The following GRIK2 variants were observed in gnomAD, a reference collection of about 807,000 sequenced individuals.
GRIK2 encodes the protein glutamate receptor ionotropic, kainate 2.
A neutral mutation model predicts 100.3 loss-of-function variants in GRIK2; 32 were observed. That is an observed-to-expected ratio of 0.32 (90% CI 0.24 to 0.43). GRIK2 has a LOEUF of 0.43. Ranked by LOEUF, GRIK2 falls within the 20% of genes least tolerant of loss-of-function variation. The pLI is 1.00. For missense variants in GRIK2, 843 were observed against 1,114.9 expected, an observed-to-expected ratio of 0.76 and a Z score of 3.47; for synonymous variants, 417 against 389.4, an observed-to-expected ratio of 1.07 and a Z score of -0.83.
intron 9 of GRIK2, among the ~76,000 whole-genome samples, chr6:101,814,973 A>G (rs962192202): frequency 6.6e-6 from 1 of 152,194 alleles, no homozygotes; most frequent in Non-Finnish European, 1.5e-5. Flanking sequence ...ATACTTTTTC[A>G]TTTAATCTTC....
chr6:101,945,607 G>C (rs1791223945), intron 14 of GRIK2, among the ~76,000 whole-genome samples: 1 of 152,096 alleles, frequency 6.6e-6, no homozygotes, highest in South Asian at 2.1e-4. Flanking sequence ...AATTTAATCA[G>C]TAAGCCATTT....
At chr6:101,507,421 G>A (rs1214160830) in intron 2 of GRIK2, among the ~76,000 whole-genome samples, 2 of 151,728 alleles carry the variant, frequency 1.3e-5, no homozygotes, top group Non-Finnish European at 2.9e-5. Flanking sequence ...TCCTACTATC[G>A]ATTTTTCTCA....
Position 101,751,126 on chromosome 6 carries a change from T to C in GRIK2, c.952-48522T>C, listed in dbSNP as rs141982736. Among the ~76,000 whole-genome samples the C allele has an allele frequency of 2.6e-5, 4 of 152,204 alleles. No individual in the cohort carries two copies. The East Asian group carries it at 7.7e-4, about 29-fold the overall frequency. On this transcript the variant is annotated intron_variant, in intron 7 of 16. Coordinates refer to ENST00000369134, the MANE Select transcript of GRIK2 (RefSeq NM_021956.5). Reference sequence around the variant, plus strand: ...ATTTCTTCTAAATTTTTTGTAGAGATGGGGGTCCCACTATGTTATCCAGGC... The same window carrying C: ...ATTTCTTCTAAATTTTTTGTAGAGACGGGGGTCCCACTATGTTATCCAGGC...
chr6:101,787,182 T>G (rs1216199850), intron 7 of GRIK2, among the ~76,000 whole-genome samples: 1 of 151,962 alleles, frequency 6.6e-6, no homozygotes, highest in African/African-American at 2.4e-5. Flanking sequence ...TTTTACCTTC[T>G]GATTTTGTTT....
intron 2 of GRIK2, among the ~76,000 whole-genome samples, chr6:101,400,365 C>G (rs1257452422): frequency 6.6e-6 from 1 of 152,172 alleles, no homozygotes; most frequent in African/African-American, 2.4e-5. Context: ...GTGGGCGATG[C>G]TCAGGTTCTC....
intron 14 of GRIK2, among the ~76,000 whole-genome samples, chr6:102,014,811 CAG>C (rs1389218945): frequency 2.0e-5 from 3 of 151,922 alleles, no homozygotes; most frequent in African/African-American, 7.3e-5. Flanking sequence ...GTTGGTATGA[CAG>C]GGGGTTCTTT....
intron 2 of GRIK2, among the ~76,000 whole-genome samples, chr6:101,567,351 T>G (rs1471940040): frequency 6.6e-6 from 1 of 151,950 alleles, no homozygotes; most frequent in African/African-American, 2.4e-5. Context: ...TTCCAATGCA[T>G]CTTACAAGAT....
chr6:101,693,958 C>A (rs1772294150), intron 7 of GRIK2, among the ~76,000 whole-genome samples: 1 of 152,018 alleles, frequency 6.6e-6, no homozygotes, highest in African/African-American at 2.4e-5. Flanking sequence ...ATGAGGAAGT[C>A]TAGCTAGACA....
At chr6:101,632,765 G>A (rs368292042) in intron 4 of GRIK2, among the ~76,000 whole-genome samples, 1 of 152,080 alleles carries the variant, frequency 6.6e-6, no homozygotes, top group Admixed American at 6.6e-5. Context: ...CATGGGCTCA[G>A]AGTAGAGTAA....
chr6:101,581,321 T>C (rs1778087383), intron 2 of GRIK2, among the ~76,000 whole-genome samples: 1 of 151,918 alleles, frequency 6.6e-6, no homozygotes, highest in African/African-American at 2.4e-5. Flanking sequence ...TATGTATATG[T>C]ATATATAATT....
At chr6:101,924,464 A>T (rs936609105) in intron 12 of GRIK2, 137 bp from the exon 13 acceptor site, 8 of 620,786 alleles carry the variant, frequency 1.3e-5, no homozygotes, top group Middle Eastern at 4.5e-4. Flanking sequence ...CACGTATATG[A>T]AATCTTGTAA....
At chr6:101,655,657 C>A (rs1483781406) in intron 4 of GRIK2, among the ~76,000 whole-genome samples, 1 of 152,020 alleles carries the variant, frequency 6.6e-6, no homozygotes, top group Non-Finnish European at 1.5e-5. Flanking sequence ...TTTTTATTTT[C>A]TTTTTAAAAT....
intron 2 of GRIK2, among the ~76,000 whole-genome samples, chr6:101,464,261 G>A (rs1166012337): frequency 6.6e-6 from 1 of 152,078 alleles, no homozygotes; most frequent in African/African-American, 2.4e-5. Flanking sequence ...TCAGCCTAAG[G>A]AGAGGGTCCA....
In GRIK2 at chr6:101,802,438, G is replaced by A; in HGVS notation, c.1203G>A (p.Lys401=). ...VISLKEEGLE[K]IGTWDPASGL... ...GTCTGAAGGAAGAAGGTCTAGAAAA[G>A]GTATTTCAGTGAGCTTATTTGCTTT... The change falls in exon 9 of 17, where the codon AAG becomes AAA. Residue 401 remains lysine, a splice_region_variant and synonymous_variant. Coordinates refer to ENST00000369134, the MANE Select transcript of GRIK2 (RefSeq NM_021956.5). The A allele has an allele frequency of 7.2e-7, 1 of 1,398,288 alleles. No individual in the cohort carries two copies. The highest frequency in any genetic ancestry group is 9.9e-7 in the Non-Finnish European group (1 of 1,010,302). The allele number at this position is 1,398,288 out of a possible 1,614,324, so 86.6% of individuals were successfully genotyped here. A position where few individuals can be genotyped will look rare whatever the true frequency, so the allele number is the denominator to read the frequency against.
At chr6:101,843,613 T>C (rs971480593) in intron 10 of GRIK2, among the ~76,000 whole-genome samples, 5 of 152,164 alleles carry the variant, frequency 3.3e-5, no homozygotes, top group African/African-American at 4.8e-5. Context: ...CTTTGAAACG[T>C]TGGGCCCTGT....
intron 14 of GRIK2, among the ~76,000 whole-genome samples, chr6:101,931,926 G>A (rs1391521187): frequency 6.6e-6 from 1 of 152,012 alleles, no homozygotes; most frequent in Non-Finnish European, 1.5e-5. Context: ...TACTAGAACT[G>A]AAGTTTCACC....
chr6:101,508,477 C>T (rs916880835), intron 2 of GRIK2, among the ~76,000 whole-genome samples: 1 of 152,018 alleles, frequency 6.6e-6, no homozygotes, highest in African/African-American at 2.4e-5. Flanking sequence ...CTTAATATAA[C>T]AGATTATATA....
intron 15 of GRIK2, among the ~76,000 whole-genome samples, chr6:102,041,582 G>A (rs1246253417): frequency 6.6e-6 from 1 of 151,488 alleles, no homozygotes; most frequent in Non-Finnish European, 1.5e-5. Context: ...GATGACCTGT[G>A]TGCAAATTTT....
intron 7 of GRIK2, among the ~76,000 whole-genome samples, chr6:101,762,366 A>T (rs1215824247): frequency 4.0e-5 from 6 of 151,676 alleles, no homozygotes; most frequent in Admixed American, 2.0e-4. Context: ...TATTTTTTTT[A>T]AAGACAGGGT....
Sources: gnomAD v4.1 joint callset for allele counts (sites outside exome capture counted in the v4.1 genomes callset) on GRCh38, gnomAD v4.1.1 for gene constraint, MANE v1.5 for transcripts, NCBI Gene and HGNC (gene_info 2026-07-23, HGNC 2026-07-21) for gene names.